STPG2: variants seen among roughly 807,000 people sequenced by gnomAD.
STPG2 encodes the protein sperm tail PG-rich repeat containing 2.
A neutral mutation model predicts 54.2 loss-of-function variants in STPG2; 56 were observed. That is an observed-to-expected ratio of 1.03 (90% CI 0.83 to 1.29). The LOEUF (loss-of-function observed/expected upper bound fraction) is 1.29, where lower values mean the gene tolerates loss of function less well. Among genes scored for constraint, STPG2 ranks in the 50% most tolerant of loss-of-function variants. The pLI is 0.00. For synonymous variants in STPG2, 200 were observed against 181.8 expected, an observed-to-expected ratio of 1.10 and a Z score of -0.81; for missense variants, 596 against 544.9, an observed-to-expected ratio of 1.09 and a Z score of -0.93.
chr4:97,977,791 C>A (rs72894840), intron 6 of STPG2, among the ~76,000 whole-genome samples: 2,308 of 152,262 alleles, frequency 0.015, 53 homozygotes, highest in African/African-American at 0.053. Context: ...TAACCAAACT[C>A]TAAAATCTGT....
chr4:97,562,296 C>G (rs192376360), intron 10 of STPG2, among the ~76,000 whole-genome samples: 47 of 152,208 alleles, frequency 3.1e-4, no homozygotes, highest in African/African-American at 1.1e-3. Flanking sequence ...GATTTTGTAT[C>G]CTGAGACTTT....
intron 8 of STPG2, among the ~76,000 whole-genome samples, chr4:97,889,173 C>T (rs912089888): frequency 2.0e-5 from 3 of 152,140 alleles, no homozygotes; most frequent in Non-Finnish European, 4.4e-5. Flanking sequence ...GCAAAAGACA[C>T]TAAGTGTTTG....
intron 6 of STPG2, among the ~76,000 whole-genome samples, chr4:97,975,217 C>T (rs901101337): frequency 2.0e-5 from 3 of 152,084 alleles, no homozygotes; most frequent in Admixed American, 1.3e-4. Context: ...ATTCTGATTG[C>T]CTGACTACAT....
chr4:97,909,010 TATAATA>T lies in STPG2; in HGVS notation c.1044+34881_1044+34886del, dbSNP rs56703020. On this transcript the variant is annotated intron_variant, in intron 8 of 10. Coordinates refer to ENST00000295268, the MANE Select transcript of STPG2 (RefSeq NM_174952.3). ...TGCACATGTACCCTAAAACTTAAAG[TATAATA>T]ATAATAATAATAATAATAATAATAA... 7.9e-3 allele frequency among the ~76,000 whole-genome samples: 1,127 copies of T among 143,186 alleles called. 10 individuals are homozygous for T. Among genetic ancestry groups the T allele is most frequent in the East Asian group, 0.016 (75 of 4,838 alleles). 93.9% of individuals were successfully genotyped at this position (143,186 alleles called of 152,430 possible).
chr4:97,773,754 C>T (rs112311284), intron 9 of STPG2, among the ~76,000 whole-genome samples: 1,896 of 152,192 alleles, frequency 0.012, 35 homozygotes, highest in African/African-American at 0.044. Flanking sequence ...TTAAGCATTG[C>T]AAGGTGATGT....
chr4:97,672,454 A>G (rs1285540279), intron 10 of STPG2, among the ~76,000 whole-genome samples: 1 of 152,156 alleles, frequency 6.6e-6, no homozygotes, highest in African/African-American at 2.4e-5. Context: ...CTGGGATTAC[A>G]GGCATGAGCC....
chr4:97,612,057 A>G (rs1733743343), intron 10 of STPG2, among the ~76,000 whole-genome samples: 1 of 151,920 alleles, frequency 6.6e-6, no homozygotes, highest in South Asian at 2.1e-4. Flanking sequence ...TCTGCTTAAT[A>G]TATCTGAAGG....
chr4:97,684,551 T>C (rs1207920426), intron 10 of STPG2, among the ~76,000 whole-genome samples: 1 of 151,760 alleles, frequency 6.6e-6, no homozygotes. Flanking sequence ...AAATAATAAG[T>C]AAGAACCTAG....
chr4:97,832,493 A>G (rs1728499810), intron 9 of STPG2, among the ~76,000 whole-genome samples: 1 of 152,180 alleles, frequency 6.6e-6, no homozygotes, highest in African/African-American at 2.4e-5. Context: ...CCTATTCAAC[A>G]TAGTATTGGA....
chr4:98,063,092 T>C (rs1423882483), intron 5 of STPG2, among the ~76,000 whole-genome samples: 1 of 152,104 alleles, frequency 6.6e-6, no homozygotes, highest in Admixed American at 6.5e-5. Flanking sequence ...AAAGTTTCTT[T>C]TTAATATCAA....
At chr4:97,936,341 T>C (rs1355294007) in intron 8 of STPG2, among the ~76,000 whole-genome samples, 4 of 152,218 alleles carry the variant, frequency 2.6e-5, no homozygotes, top group African/African-American at 7.2e-5. Context: ...TTTGCGGGTC[T>C]GTGCTTTTTA....
chr4:97,773,025 A>T (rs144711063), intron 9 of STPG2, among the ~76,000 whole-genome samples: 270 of 152,328 alleles, frequency 1.8e-3, no homozygotes, highest in African/African-American at 6.4e-3. Context: ...ACACAACAAT[A>T]TTCAAAAAGA....
chr4:97,957,269 T>C (rs78843178), intron 7 of STPG2, among the ~76,000 whole-genome samples: 1 of 147,602 alleles, frequency 6.8e-6, no homozygotes, highest in East Asian at 2.0e-4. Flanking sequence ...GACACACTAA[T>C]AGAAATGCAA....
intron 8 of STPG2, among the ~76,000 whole-genome samples, chr4:97,923,775 TAAACC>T (rs1248931350): frequency 1.3e-5 from 2 of 152,198 alleles, no homozygotes; most frequent in African/African-American, 2.4e-5. Context: ...TCAGGGTTTG[TAAACC>T]AATCAACACT....
At chr4:97,682,309 A>G (rs1222807351) in intron 10 of STPG2, among the ~76,000 whole-genome samples, 7 of 151,788 alleles carry the variant, frequency 4.6e-5, no homozygotes, top group Admixed American at 6.6e-5. Flanking sequence ...ATTACACCTA[A>G]GTTTCTGTTA....
rs531965457 is a variant in STPG2 at position 98,035,871 on chromosome 4, T to C, written c.613-54553A>G. The stretch of plus-strand genomic sequence containing the variant: ...ACAGAAAATCAAACACTGCATGTTC[T>C]CACTCAGAAGTGGGAGATGAACAAT... On this transcript the variant is annotated intron_variant, in intron 5 of 10. Transcript: ENST00000295268. Among the ~76,000 whole-genome samples the C allele has an allele frequency of 6.1e-4, 92 of 151,972 alleles. No homozygotes were observed. The South Asian group carries it at 0.019, about 31-fold the overall frequency.
chr4:97,710,223 A>G (rs1290801819), intron 10 of STPG2, among the ~76,000 whole-genome samples: 1 of 152,064 alleles, frequency 6.6e-6, no homozygotes, highest in Non-Finnish European at 1.5e-5. Flanking sequence ...AGGAGCAAAG[A>G]CAAACAGCTT....
At chr4:98,090,461 T>C (rs1010392883) in intron 5 of STPG2, among the ~76,000 whole-genome samples, 2 of 152,120 alleles carry the variant, frequency 1.3e-5, no homozygotes, top group African/African-American at 4.8e-5. Context: ...ACATATAGGC[T>C]TGTAGTATAA....
At chr4:97,954,200 G>C (rs948609976) in intron 7 of STPG2, among the ~76,000 whole-genome samples, 1 of 152,120 alleles carries the variant, frequency 6.6e-6, no homozygotes, top group Non-Finnish European at 1.5e-5. Flanking sequence ...AAGAAATTCA[G>C]GCAAAATGTA....
Sources: allele counts gnomAD v4.1 joint callset (sites outside exome capture counted in the v4.1 genomes callset), GRCh38; gene constraint gnomAD v4.1.1; transcripts MANE v1.5; gene names NCBI Gene and HGNC (gene_info 2026-07-23, HGNC 2026-07-21).